The following FOLH1 variants were observed in gnomAD, a reference collection of about 807,000 sequenced individuals.
The protein encoded by FOLH1 is folate hydrolase 1.
In FOLH1, 54 loss-of-function variants were observed where a neutral mutation model predicts 93.9. That is an observed-to-expected ratio of 0.57 (90% confidence interval 0.46 to 0.72). The LOEUF is 0.72. Among genes scored for constraint, FOLH1 ranks in the 30% least tolerant of loss-of-function variants. The pLI is 0.00. For synonymous variants in FOLH1, 249 were observed against 303.6 expected, an observed-to-expected ratio of 0.82 and a Z score of 1.87; for missense variants, 571 against 892.5, an observed-to-expected ratio of 0.64 and a Z score of 4.59.
chr11:49,165,444 G>A (rs1412344886), intron 12 of FOLH1, among the ~76,000 whole-genome samples: 1 of 152,144 alleles, frequency 6.6e-6, no homozygotes, highest in Non-Finnish European at 1.5e-5. Context: ...CCTCAGGAGG[G>A]GGCTGGTGGT....
intron 4 of FOLH1, among the ~76,000 whole-genome samples, chr11:49,187,966 C>G (rs1823711808): frequency 6.6e-6 from 1 of 152,176 alleles, no homozygotes; most frequent in Admixed American, 6.5e-5. Flanking sequence ...CTTCAGCTGG[C>G]ATTGCAGGGT....
intron 4 of FOLH1, among the ~76,000 whole-genome samples, chr11:49,191,009 A>C (rs1405944312): frequency 6.6e-6 from 1 of 152,218 alleles, no homozygotes; most frequent in Non-Finnish European, 1.5e-5. Context: ...CAGTGAAAAG[A>C]TTATGTATAC....
intron 3 of FOLH1, among the ~76,000 whole-genome samples, chr11:49,197,864 CTT>C (rs1018096826): frequency 2.6e-5 from 4 of 152,008 alleles, no homozygotes; most frequent in African/African-American, 9.6e-5. Context: ...AAAGAATTAA[CTT>C]ATAGTTGAAT....
chr11:49,180,092 C>T (rs1025122704), intron 7 of FOLH1, among the ~76,000 whole-genome samples: 2 of 152,172 alleles, frequency 1.3e-5, no homozygotes, highest in Non-Finnish European at 2.9e-5. Flanking sequence ...TAGTGTTTAC[C>T]AAAGTGTCTT....
chr11:49,195,565 A>G (rs1270687878), intron 3 of FOLH1, among the ~76,000 whole-genome samples: 1 of 152,042 alleles, frequency 6.6e-6, no homozygotes, highest in Non-Finnish European at 1.5e-5. Flanking sequence ...TAAAACAAGA[A>G]CAGAATTAAT....
chr11:49,175,616 C>T (rs1436685287), intron 8 of FOLH1, among the ~76,000 whole-genome samples: 2 of 152,166 alleles, frequency 1.3e-5, no homozygotes, highest in African/African-American at 2.4e-5. Flanking sequence ...AAGTGCTCAG[C>T]ATGTCAAAAC....
intron 7 of FOLH1, among the ~76,000 whole-genome samples, chr11:49,179,152 C>T (rs1024063790): frequency 5.9e-5 from 9 of 151,980 alleles, no homozygotes; most frequent in Middle Eastern, 6.3e-3. Context: ...GAATAAGGGC[C>T]GGGCATGGAA....
Position 49,156,812 on chromosome 11 carries a change from T to G in FOLH1, c.1533-5A>C, listed in dbSNP as rs746250563. 2.5e-6 allele frequency: 4 copies of G among 1,611,456 alleles called. No individual in the cohort carries two copies. In the East Asian group the frequency reaches 8.9e-5, roughly 36 times the overall value. Reference sequence around the variant, plus strand: ...CCAGATCCCAATTTGCTTATCCTTTTAGAGATAAAACAACAGAATTATTTC... The same window carrying G: ...CCAGATCCCAATTTGCTTATCCTTTGAGAGATAAAACAACAGAATTATTTC... On this transcript the variant is annotated splice_region_variant and splice_polypyrimidine_tract_variant and intron_variant, in intron 14 of 18. Transcript: ENST00000256999.
intron 17 of FOLH1, among the ~76,000 whole-genome samples, chr11:49,149,117 G>T (rs750008404): frequency 6.6e-6 from 1 of 151,978 alleles, no homozygotes. Context: ...GTCGTGGGGT[G>T]GGGTGAGGGG....
At chr11:49,164,009 G>C (rs1858071530) in intron 13 of FOLH1, among the ~76,000 whole-genome samples, 3 of 152,074 alleles carry the variant, frequency 2.0e-5, no homozygotes, top group Admixed American at 2.0e-4. Context: ...CTTGGGTTGG[G>C]TTGTTTCCTT....
intron 4 of FOLH1, among the ~76,000 whole-genome samples, chr11:49,190,187 T>C (rs898035614): frequency 2.6e-5 from 4 of 152,210 alleles, no homozygotes; most frequent in Admixed American, 1.3e-4. Flanking sequence ...TACCTTTAAA[T>C]GTCTCTAAAT....
intron 4 of FOLH1, among the ~76,000 whole-genome samples, chr11:49,188,406 C>T (rs767905721): frequency 6.7e-6 from 1 of 150,078 alleles, no homozygotes; most frequent in Non-Finnish European, 1.5e-5. Flanking sequence ...CCCAGCTACT[C>T]GGGGGCTGAG....
chr11:49,173,298 A>C (rs1315396405), intron 10 of FOLH1, 59 bp downstream of exon 10: 1 of 1,546,588 alleles, frequency 6.5e-7, no homozygotes, highest in Admixed American at 1.9e-5. Context: ...CTCCCTTTAC[A>C]GAAGACTAAA....
intron 7 of FOLH1, among the ~76,000 whole-genome samples, chr11:49,181,264 T>C (rs1341265024): frequency 2.0e-5 from 3 of 151,908 alleles, no homozygotes; most frequent in Non-Finnish European, 4.4e-5. Flanking sequence ...TGCACCAGCA[T>C]GCCCAGCTAA....
chr11:49,186,948 T>A (rs554075325), intron 4 of FOLH1, among the ~76,000 whole-genome samples, 179 bp from the exon 5 acceptor site: 14 of 152,222 alleles, frequency 9.2e-5, no homozygotes, highest in Admixed American at 2.6e-4. Context: ...GAGAATGGAA[T>A]TAGATGGGCT....
At chr11:49,207,948 C>CA (rs111891603) in intron 1 of FOLH1, 51 of 496,488 alleles carry the variant, frequency 1.0e-4, no homozygotes, top group East Asian at 7.2e-4. Context: ...AACAAACAAA[C>CA]AAACAAAACA....
chr11:49,153,723 T>C, intron 17 of FOLH1, 123 bp downstream of exon 17: 1 of 667,764 alleles, frequency 1.5e-6, no homozygotes, highest in Middle Eastern at 3.1e-4. Flanking sequence ...GTAAAACAAA[T>C]TTAAAAAAAA....
chr11:49,150,260 T>C (rs1856349841), intron 17 of FOLH1, among the ~76,000 whole-genome samples: 1 of 152,198 alleles, frequency 6.6e-6, no homozygotes, highest in Non-Finnish European at 1.5e-5. Context: ...CATTCTGTAA[T>C]ATGCAAATTA....
chr11:49,202,668 G>T (rs1288605420), intron 2 of FOLH1, among the ~76,000 whole-genome samples: 1 of 152,222 alleles, frequency 6.6e-6, no homozygotes, highest in African/African-American at 2.4e-5. Flanking sequence ...TCCTTTAAAA[G>T]AGCTACTGTT....
Sources: gnomAD v4.1 joint callset for allele counts (sites outside exome capture counted in the v4.1 genomes callset) on GRCh38, gnomAD v4.1.1 for gene constraint, MANE v1.5 for transcripts, NCBI Gene and HGNC (gene_info 2026-07-23, HGNC 2026-07-21) for gene names.